ZMIZ1: variants seen among roughly 807,000 people sequenced by gnomAD.
ZMIZ1 encodes the protein zinc finger MIZ-type containing 1, also known as zinc finger MIZ domain-containing protein 1.
ZMIZ1 carries 17 observed loss-of-function variants against 113.9 expected under a neutral mutation model. The ratio of observed to expected loss-of-function variants is 0.15; its 90% confidence interval spans 0.10 to 0.22. The LOEUF (loss-of-function observed/expected upper bound fraction) is 0.22. Among genes scored for constraint, ZMIZ1 ranks in the 10% least tolerant of loss-of-function variants. The pLI is 1.00. For synonymous variants in ZMIZ1, 607 were observed against 603.1 expected, an observed-to-expected ratio of 1.01 and a Z score of -0.09; for missense variants, 1,059 against 1,477.8, an observed-to-expected ratio of 0.72 and a Z score of 4.65.
At chr10:79,120,096 G>A (rs967388560) in intron 2 of ZMIZ1, among the ~76,000 whole-genome samples, 1 of 152,202 alleles carries the variant, frequency 6.6e-6, no homozygotes, top group Non-Finnish European at 1.5e-5. Context: ...ACAGTGTGGG[G>A]AGACAGAAGC....
chr10:79,073,398 C>T (rs1352515943), intron 1 of ZMIZ1, among the ~76,000 whole-genome samples: 1 of 152,224 alleles, frequency 6.6e-6, no homozygotes, highest in East Asian at 1.9e-4. Flanking sequence ...ACCTACTTCC[C>T]TGGCAGCTGA....
chr10:79,158,213 T>G (rs1173595595), intron 3 of ZMIZ1, among the ~76,000 whole-genome samples: 1 of 152,138 alleles, frequency 6.6e-6, no homozygotes, highest in Non-Finnish European at 1.5e-5. Context: ...CCAAGGCACG[T>G]GTGTGGTCAG....
chr10:79,303,947 C>T (rs1352735726), intron 18 of ZMIZ1, 68 bp from the exon 19 acceptor site: 35 of 1,594,412 alleles, frequency 2.2e-5, no homozygotes, highest in South Asian at 7.8e-5. Context: ...GTGGGGAGCA[C>T]GTGCAGACCC....
chr10:79,180,581 A>T (rs1320528303), intron 4 of ZMIZ1, among the ~76,000 whole-genome samples: 1 of 152,070 alleles, frequency 6.6e-6, no homozygotes, highest in Non-Finnish European at 1.5e-5. Context: ...AGTGGGCTGC[A>T]CCCCTTCCTC....
intron 2 of ZMIZ1, among the ~76,000 whole-genome samples, chr10:79,127,775 C>T (rs1180965044): frequency 6.6e-6 from 1 of 152,154 alleles, no homozygotes; most frequent in African/African-American, 2.4e-5. Flanking sequence ...TGGGGGCCAG[C>T]AGGAGAGGCC....
At chr10:79,241,396 C>T (rs905535083) in intron 7 of ZMIZ1, among the ~76,000 whole-genome samples, 7 of 152,014 alleles carry the variant, frequency 4.6e-5, no homozygotes, top group Non-Finnish European at 1.0e-4. Context: ...TGACTGTCCC[C>T]AAAGAAGCCA....
intron 3 of ZMIZ1, among the ~76,000 whole-genome samples, chr10:79,143,769 G>A (rs758415611): frequency 2.0e-5 from 3 of 151,896 alleles, no homozygotes; most frequent in Non-Finnish European, 4.4e-5. Flanking sequence ...CCGGGCAGGT[G>A]TGCAAGGTGT....
At chr10:79,072,950 A>G (rs114247902) in intron 1 of ZMIZ1, among the ~76,000 whole-genome samples, 26 of 152,292 alleles carry the variant, frequency 1.7e-4, no homozygotes, top group African/African-American at 6.0e-4. Context: ...GGAGGCAGCA[A>G]TCCACCTGGC....
intron 2 of ZMIZ1, among the ~76,000 whole-genome samples, chr10:79,130,593 C>T (rs1167284398): frequency 6.6e-6 from 1 of 152,166 alleles, no homozygotes; most frequent in Non-Finnish European, 1.5e-5. Flanking sequence ...ACATGCAGAC[C>T]AAGATGATGG....
At chr10:79,223,890 A>T (rs1381884980) in intron 7 of ZMIZ1, among the ~76,000 whole-genome samples, 2 of 152,142 alleles carry the variant, frequency 1.3e-5, no homozygotes, top group African/African-American at 4.8e-5. Flanking sequence ...TCTTGGAGAA[A>T]AGGGATGGTT....
intron 3 of ZMIZ1, among the ~76,000 whole-genome samples, chr10:79,148,918 C>T (rs1186451706): frequency 6.6e-6 from 1 of 152,232 alleles, no homozygotes; most frequent in African/African-American, 2.4e-5. Context: ...CAAGCTGGGT[C>T]TGTACGTGGC....
In ZMIZ1 at chr10:79,313,800, TC is replaced by T. The variant is rs1855358647; in HGVS notation, c.*1053del. 32 of 345,888 alleles carry T rather than the reference TC, an allele frequency of 9.3e-5. 1 individual carries two copies. The highest frequency in any genetic ancestry group is 6.9e-4 in the South Asian group (32 of 46,236). 21.4% of individuals were successfully genotyped at this position (345,888 alleles called of 1,614,324 possible). A position where few individuals can be genotyped will look rare whatever the true frequency, so the allele number is the denominator to read the frequency against. On this transcript the variant is annotated 3_prime_UTR_variant, in exon 25 of 25. Coordinates refer to ENST00000334512, the MANE Select transcript of ZMIZ1 (RefSeq NM_020338.4). Reference sequence around the variant, plus strand: ...CCTCTCCTGCCACCTCTCCAAGACTTCCGTGGGACACCCACTTCCCTCTGTC... The same window carrying T: ...CCTCTCCTGCCACCTCTCCAAGACTTCGTGGGACACCCACTTCCCTCTGTC...
rs150419452 is a variant in ZMIZ1 at position 79,201,003 on chromosome 10, C to T, written c.-49-581C>T. On this transcript the variant is annotated intron_variant, in intron 4 of 24. Coordinates refer to ENST00000334512, the MANE Select transcript of ZMIZ1 (RefSeq NM_020338.4). ...CCCTCCACCACCCAAAACACACATG[C>T]GCATACAGAAATGTGTGCACCTGGC... Among the ~76,000 whole-genome samples the T allele has an allele frequency of 4.8e-3, 729 of 152,306 alleles. 4 individuals are homozygous for T. Among genetic ancestry groups the T allele is most frequent in the African/African-American group, 0.016 (682 of 41,550 alleles).
chr10:79,307,719 G>A, intron 23 of ZMIZ1, 148 bp downstream of exon 23: 2 of 899,888 alleles, frequency 2.2e-6, no homozygotes, highest in Non-Finnish European at 3.3e-6. Flanking sequence ...TCTAACTGAG[G>A]CTACGTCGTG....
chr10:79,222,996 ACT>A (rs1443065288), intron 7 of ZMIZ1, among the ~76,000 whole-genome samples: 1 of 151,562 alleles, frequency 6.6e-6, no homozygotes, highest in African/African-American at 2.4e-5. Flanking sequence ...TGAATGGTGG[ACT>A]CTCAGACCCC....
At chr10:79,222,453 C>T (rs1849018541) in intron 7 of ZMIZ1, among the ~76,000 whole-genome samples, 1 of 152,196 alleles carries the variant, frequency 6.6e-6, no homozygotes, top group Non-Finnish European at 1.5e-5. Flanking sequence ...GGACACCCTC[C>T]CATCTCAACG....
intron 4 of ZMIZ1, among the ~76,000 whole-genome samples, chr10:79,198,152 G>C (rs1435186532): frequency 6.6e-6 from 1 of 152,118 alleles, no homozygotes; most frequent in Non-Finnish European, 1.5e-5. Context: ...CCAGCTACTC[G>C]GGAGGCTGAG....
intron 3 of ZMIZ1, among the ~76,000 whole-genome samples, chr10:79,143,507 C>T (rs889380579): frequency 1.1e-4 from 16 of 152,210 alleles, no homozygotes; most frequent in Non-Finnish European, 1.5e-5. Flanking sequence ...CTTGACCACT[C>T]TGAGGTCAAC....
At position 79,293,771 on chromosome 10, in the gene ZMIZ1, G is replaced by C. The variant is rs532650093; in HGVS notation, c.1230+118G>C. 1.3e-5 allele frequency: 19 copies of C among 1,494,094 alleles called. No individual in the cohort carries two copies. The African/African-American group carries it at 2.2e-4, about 17-fold the overall frequency. 92.6% of individuals were successfully genotyped at this position (1,494,094 alleles called of 1,614,324 possible). A position where few individuals can be genotyped will look rare whatever the true frequency, so the allele number is the denominator to read the frequency against. ...TTGGACTCCAGCACACTTGGACAAA[G>C]AGGCAGGGGCTTAGGGGTCAGGTGC... On this transcript the variant is annotated intron_variant, in intron 12 of 24. Transcript: ENST00000334512.
Sources: allele counts gnomAD v4.1 joint callset (sites outside exome capture counted in the v4.1 genomes callset), GRCh38; gene constraint gnomAD v4.1.1; transcripts MANE v1.5; gene names NCBI Gene and HGNC (gene_info 2026-07-23, HGNC 2026-07-21).